The following TRIP12 variants were observed in gnomAD, a reference collection of about 807,000 sequenced individuals.
The protein encoded by TRIP12 is thyroid hormone receptor interactor 12.
In TRIP12, 25 loss-of-function variants were observed where a neutral mutation model predicts 244.2. The ratio of observed to expected loss-of-function variants is 0.10; its 90% CI spans 0.07 to 0.14. The LOEUF (loss-of-function observed/expected upper bound fraction) is 0.14. TRIP12 is among the 10% of genes least tolerant of loss of function. The pLI is 1.00. For missense variants in TRIP12, 1,677 were observed against 2,486.4 expected (o/e 0.67, Z 6.92); for synonymous variants, 905 against 873.1 (o/e 1.04, Z -0.64).
rs528671415 is a variant in TRIP12, at chr2:229,900,514, T to C, written c.-49-20386A>G. ...TAAGATATTTTTCAGTTGATAAGAT[T>C]TTTAACTAAGAAGACAGCACATTAC... On this transcript the variant is annotated intron_variant, in intron 1 of 41. Transcript: ENST00000675903. 3.0e-4 allele frequency among the ~76,000 whole-genome samples: 45 copies of C among 152,328 alleles called. 1 individual carries two copies. Among genetic ancestry groups the C allele is most frequent in the African/African-American group, 9.9e-4 (41 of 41,574 alleles).
intron 1 of TRIP12, among the ~76,000 whole-genome samples, chr2:229,880,596 A>G (rs981806710): frequency 1.3e-5 from 2 of 152,222 alleles, no homozygotes; most frequent in African/African-American, 4.8e-5. Flanking sequence ...TTAACAATGT[A>G]TGTCATGTCT....
chr2:229,796,943 T>C, intron 24 of TRIP12, among the ~76,000 whole-genome samples, 161 bp from the exon 25 acceptor site: 1 of 110,908 alleles, frequency 9.0e-6, no homozygotes, highest in South Asian at 2.5e-4. Flanking sequence ...ATTATGATTT[T>C]AAACACACAC....
intron 13 of TRIP12, among the ~76,000 whole-genome samples, chr2:229,812,242 C>T (rs1358188400): frequency 6.6e-6 from 1 of 151,970 alleles, no homozygotes; most frequent in Non-Finnish European, 1.5e-5. Flanking sequence ...CCACCACACC[C>T]GGCTAATTTT....
Position 229,888,024 on chromosome 2 carries a change from T to G in TRIP12, c.-49-7896A>C, listed in dbSNP as rs1173561906. ...GCCTATAAATACCCAGTTCCCCAAA[T>G]GCTCTTTAAACTAGCTTTACTACAA... On this transcript the variant is annotated intron_variant, in intron 1 of 41. Transcript: ENST00000675903. Among the ~76,000 whole-genome samples, 5 of 152,222 alleles carry G rather than the reference T, an allele frequency of 3.3e-5. No individual in the cohort carries two copies. In the South Asian group the frequency reaches 1.0e-3, roughly 31 times the overall value.
chr2:229,862,151 G>A (rs1253307811), intron 2 of TRIP12, among the ~76,000 whole-genome samples: 1 of 152,034 alleles, frequency 6.6e-6, no homozygotes, highest in Admixed American at 6.6e-5. Flanking sequence ...CCGCCTCCCA[G>A]GATCATGTGA....
chr2:229,851,075 C>G (rs191820095), intron 4 of TRIP12, among the ~76,000 whole-genome samples: 9 of 152,230 alleles, frequency 5.9e-5, no homozygotes, highest in Admixed American at 1.3e-4. Context: ...CCAGTACCAT[C>G]GATCACCCAA....
intron 17 of TRIP12, chr2:229,807,457 A>T: frequency 2.0e-6 from 1 of 501,396 alleles, no homozygotes; most frequent in East Asian, 3.6e-5. Flanking sequence ...AAATGAGGAA[A>T]CTATGGAACA....
chr2:229,863,040 C>T (rs1204244838), intron 2 of TRIP12, among the ~76,000 whole-genome samples: 1 of 151,892 alleles, frequency 6.6e-6, no homozygotes, highest in African/African-American at 2.4e-5. Flanking sequence ...CCAGCCTGGC[C>T]AAGATGGTGA....
chr2:229,880,135 GAAAA>G lies in TRIP12; in HGVS notation c.-49-11_-49-8del, dbSNP rs1032159418. On this transcript the variant is annotated splice_polypyrimidine_tract_variant and splice_region_variant and intron_variant, in intron 1 of 41. Coordinates refer to ENST00000675903, the MANE Select transcript of TRIP12 (RefSeq NM_001348323.3). ...TTCTAGACACTACCATTCACTAAAAGAAAAAAAAATAAACAAAATTTATCAGATG... is the reference window on the plus strand; with the variant it reads ...TTCTAGACACTACCATTCACTAAAAGAAAAATAAACAAAATTTATCAGATG... The G allele has an allele frequency of 7.1e-7, 1 of 1,415,690 alleles. No individual in the cohort carries two copies. The highest frequency in any genetic ancestry group is 1.5e-5 in the African/African-American group (1 of 67,404). 87.7% of individuals were successfully genotyped at this position (1,415,690 alleles called of 1,614,324 possible). A position where few individuals can be genotyped will look rare whatever the true frequency, so the allele number is the denominator to read the frequency against.
At chr2:229,923,159 C>T (rs2076826882), upstream of TRIP12, 1 of 153,022 alleles carries the variant, frequency 6.5e-6, no homozygotes, top group Non-Finnish European at 1.5e-5. Context: ...TTTTGGAGTC[C>T]CTTCTATCCC....
intron 2 of TRIP12, among the ~76,000 whole-genome samples, chr2:229,865,676 CATT>C (rs2061407162): frequency 6.6e-6 from 1 of 151,946 alleles, no homozygotes; most frequent in African/African-American, 2.4e-5. Flanking sequence ...ACAATTATAA[CATT>C]ATAGTTTTGT....
intron 17 of TRIP12, among the ~76,000 whole-genome samples, chr2:229,806,591 G>C (rs377204448): frequency 6.6e-6 from 1 of 152,118 alleles, no homozygotes; most frequent in East Asian, 1.9e-4. Context: ...CAATGATCAG[G>C]AAAATGCTAA....
chr2:229,778,301 C>T lies in TRIP12; in HGVS notation c.5364+132G>A. The T allele has an allele frequency of 8.5e-7, 1 of 1,182,710 alleles. No individual in the cohort carries two copies. The highest frequency in any genetic ancestry group is 1.2e-6 in the Non-Finnish European group (1 of 843,120). 73.3% of individuals were successfully genotyped at this position (1,182,710 alleles called of 1,614,324 possible). On this transcript the variant is annotated intron_variant, in intron 36 of 41. Coordinates refer to ENST00000675903, the MANE Select transcript of TRIP12 (RefSeq NM_001348323.3). This position sits in a 1 kb window ranked among gnomAD's most constrained non-coding sequence, Gnocchi z 4.1. Reference sequence around the variant, plus strand: ...GAACCGGCATTTTTAACAAAATCCCCAAGTAATTCATATGTGTATTGAAGT... The same window carrying T: ...GAACCGGCATTTTTAACAAAATCCCTAAGTAATTCATATGTGTATTGAAGT...
chr2:229,829,849 T>G (rs891034716), intron 7 of TRIP12, among the ~76,000 whole-genome samples: 1 of 152,122 alleles, frequency 6.6e-6, no homozygotes, highest in East Asian at 1.9e-4. Context: ...CTCAGGAGGA[T>G]GAAGCAGGAG....
intron 5 of TRIP12, among the ~76,000 whole-genome samples, chr2:229,837,727 A>T (rs536473030): frequency 6.6e-6 from 1 of 152,300 alleles, no homozygotes; most frequent in Non-Finnish European, 1.5e-5. Context: ...AGATTACCTA[A>T]ATCATATAAA....
rs757579123 is a variant in TRIP12 at position 229,795,321 on chromosome 2, C to T, written c.3826G>A (p.Glu1276Lys). 1.2e-6 allele frequency: 2 copies of T among 1,612,412 alleles called. No individual in the cohort carries two copies. The highest frequency in any genetic ancestry group is 2.2e-5 in the East Asian group (1 of 44,780). Residue 1276 changes from glutamate to lysine, a missense_variant, in exon 26 of 42, where the codon GAA becomes AAA. This residue lies in a region of TRIP12 where 77 missense variants were observed against 69.2 expected (regional missense o/e 1.11). Transcript: ENST00000675903. The stretch of plus-strand genomic sequence containing the variant: ...GGTTCCACTCTTCCAATGGGCTCTT[C>T]TCCAGGAAGCTAAAGTTATAAATAA... ...HVFFSSPLPG[E>K]EPIGRVEPVG... is the part of the protein sequence containing the mutation.
Position 229,804,175 on chromosome 2 carries a change from C to A in TRIP12, c.2703G>T (p.Glu901Asp), listed in dbSNP as rs768779711. ...KDDARAQLMK[E>D]DPELAKSFIK... ...TAAAAGACTTAGCCAGTTCCGGATC[C>A]TCTTTCATAAGCTGTGCTCGAGCAT... The change falls in exon 19 of 42, where the codon GAG (glutamate) becomes GAT (aspartate). Residue 901 changes from glutamate to aspartate, a missense_variant. Glu to Asp is a conservative substitution (Grantham distance 45, BLOSUM62 2). This residue lies in a region of TRIP12 where 572 missense variants were observed against 867.8 expected (regional missense o/e 0.66). Transcript: ENST00000675903. The A allele has an allele frequency of 6.2e-7, 1 of 1,614,086 alleles. No homozygotes were observed. Among genetic ancestry groups the A allele is most frequent in the Non-Finnish European group, 8.5e-7 (1 of 1,179,986 alleles).
intron 1 of TRIP12, among the ~76,000 whole-genome samples, chr2:229,902,312 G>T (rs147568731): frequency 2.0e-5 from 3 of 152,040 alleles, no homozygotes; most frequent in Admixed American, 1.3e-4. Flanking sequence ...CCCAGGAGGC[G>T]GAGGTAGCAG....
chr2:229,861,023 G>A (rs898979230), intron 2 of TRIP12, among the ~76,000 whole-genome samples: 2 of 152,076 alleles, frequency 1.3e-5, no homozygotes, highest in African/African-American at 2.4e-5. Context: ...AGAGACAGAC[G>A]AACCAATTCT....
Sources: allele counts gnomAD v4.1 joint callset (sites outside exome capture counted in the v4.1 genomes callset), GRCh38; gene constraint gnomAD v4.1.1; regional missense constraint gnomAD v4.1.1; non-coding constraint Gnocchi (gnomAD v3.1); transcripts MANE v1.5; gene names NCBI Gene and HGNC (gene_info 2026-07-23, HGNC 2026-07-21).